Variants in MPP4 observed in about 807,000 individuals in gnomAD.
MPP4 encodes the protein MAGUK p55 subfamily member 4.
A neutral mutation model predicts 98.3 loss-of-function variants in MPP4; 91 were observed. The ratio of observed to expected loss-of-function variants is 0.93; its 90% CI spans 0.78 to 1.10. The LOEUF (loss-of-function observed/expected upper bound fraction) is 1.10, where lower values mean the gene tolerates loss of function less well. Ranked by LOEUF, MPP4 falls within the 50% of genes least tolerant of loss-of-function variation. The pLI is 0.00. For synonymous variants in MPP4, 261 were observed against 271.8 expected, an observed-to-expected ratio of 0.96 and a Z score of 0.39; for missense variants, 744 against 792.9, an observed-to-expected ratio of 0.94 and a Z score of 0.74.
At chr2:201,662,021 GA>G in intron 14 of MPP4, 1 of 364,442 alleles carries the variant, frequency 2.7e-6, no homozygotes, top group Non-Finnish European at 5.3e-6. Flanking sequence ...AGGAAATTTT[GA>G]AACAACATAA....
intron 10 of MPP4, among the ~76,000 whole-genome samples, chr2:201,678,778 C>T (rs1688588115): frequency 6.6e-6 from 1 of 152,080 alleles, no homozygotes; most frequent in African/African-American, 2.4e-5. Context: ...TCTTCCTCTT[C>T]CCTAGGAGCC....
At chr2:201,669,667 T>C in intron 12 of MPP4, 66 bp downstream of exon 12, 1 of 1,218,020 alleles carries the variant, frequency 8.2e-7, no homozygotes. Context: ...AGTGAATTCT[T>C]TAAACTACAA....
At chr2:201,652,547 C>A (rs145695501) in intron 18 of MPP4, among the ~76,000 whole-genome samples, 261 of 152,324 alleles carry the variant, frequency 1.7e-3, no homozygotes, top group African/African-American at 5.8e-3. Flanking sequence ...ATCACTCATG[C>A]CACAATTTCA....
At chr2:201,697,991 C>T in intron 1 of MPP4, 1 of 985,350 alleles carries the variant, frequency 1.0e-6, no homozygotes, top group Middle Eastern at 5.2e-4. Flanking sequence ...TTTCTGCTAT[C>T]TTGAGAGTGA....
At chr2:201,647,563 C>T in intron 21 of MPP4, 128 bp downstream of exon 21, 1 of 970,130 alleles carries the variant, frequency 1.0e-6, no homozygotes, top group Non-Finnish European at 1.5e-6. Context: ...TATTGAGGGC[C>T]TTTTGGAGAG....
Position 201,666,987 on chromosome 2 carries a change from TGAC to T in MPP4, c.1013-618_1013-616del, listed in dbSNP as rs1373673986. Among the ~76,000 whole-genome samples, 5 of 152,258 alleles carry T rather than the reference TGAC, an allele frequency of 3.3e-5. No homozygotes were observed. The East Asian group carries it at 9.7e-4, about 29-fold the overall frequency. Reference sequence around the variant, plus strand: ...GCTTTTGAATGCTGCACAAATTAGTTGACCTCTAAGCCTCTGTTCTCCATGTGA... The same window carrying T: ...GCTTTTGAATGCTGCACAAATTAGTTCTCTAAGCCTCTGTTCTCCATGTGA... On this transcript the variant is annotated intron_variant, in intron 12 of 21. Coordinates refer to ENST00000409474, the MANE Select transcript of MPP4 (RefSeq NM_033066.3).
At chr2:201,693,068 G>T in intron 2 of MPP4, 39 bp from the exon 3 acceptor site, 1 of 1,587,488 alleles carries the variant, frequency 6.3e-7, no homozygotes, top group Non-Finnish European at 8.6e-7. Flanking sequence ...TGGCAGGTGC[G>T]GGTGTAAATG....
chr2:201,660,439 C>A (rs1327728739), intron 14 of MPP4, 93 bp from the exon 15 acceptor site: 11 of 1,365,974 alleles, frequency 8.1e-6, no homozygotes, highest in Non-Finnish European at 1.2e-5. Flanking sequence ...ATGACATAAG[C>A]AAGACGTGCA....
At chr2:201,667,271 G>T (rs1481017515) in intron 12 of MPP4, among the ~76,000 whole-genome samples, 1 of 152,166 alleles carries the variant, frequency 6.6e-6, no homozygotes, top group Non-Finnish European at 1.5e-5. Flanking sequence ...CCATTAGAGT[G>T]GACATCACAG....
intron 20 of MPP4, among the ~76,000 whole-genome samples, chr2:201,648,942 T>TCA (rs1455851599): frequency 6.6e-6 from 1 of 152,118 alleles, no homozygotes; most frequent in African/African-American, 2.4e-5. Context: ...CTTGTGCTTG[T>TCA]AGTCCTAGCT....
At chr2:201,661,866 T>A (rs1208077) in intron 14 of MPP4, among the ~76,000 whole-genome samples, 129,573 of 152,086 alleles carry the variant, frequency 0.85, 55,331 homozygotes, top group Admixed American at 0.91. Context: ...GGCCTCAACC[T>A]CAGCCTTCAC....
rs529467083 is a variant in MPP4 at position 201,659,290 on chromosome 2, T to C, written c.1088-772A>G. Among the ~76,000 whole-genome samples, 96 of 152,204 alleles carry C rather than the reference T, an allele frequency of 6.3e-4. 1 individual carries two copies. Among genetic ancestry groups the C allele is most frequent in the African/African-American group, 2.2e-3 (93 of 41,512 alleles). On this transcript the variant is annotated intron_variant, in intron 15 of 21. Coordinates refer to ENST00000409474, the MANE Select transcript of MPP4 (RefSeq NM_033066.3). ...TTTTATTTTCTCCCTCTTAAAAGGG[T>C]TCATTCTATATAAGATAAGATTTGC...
In MPP4 at chr2:201,647,843, A is replaced by G; in HGVS notation, c.1585-18T>C. On this transcript the variant is annotated intron_variant, in intron 20 of 21. Coordinates refer to ENST00000409474, the MANE Select transcript of MPP4 (RefSeq NM_033066.3). ...TGAATATCCTACACAGAAAATTTAA[A>G]TGCACATTTATTTTTTGTTTGTTTT... is the stretch of plus-strand genomic sequence containing the variant. The G allele has an allele frequency of 1.3e-6, 2 of 1,589,264 alleles. No homozygotes were observed. The highest frequency in any genetic ancestry group is 1.1e-5 in the South Asian group (1 of 88,606).
chr2:201,670,836 T>G (rs1257549758), intron 11 of MPP4, among the ~76,000 whole-genome samples: 1 of 152,196 alleles, frequency 6.6e-6, no homozygotes, highest in Non-Finnish European at 1.5e-5. Flanking sequence ...GCAGGTGATT[T>G]CTGCATTTCC....
In MPP4 at chr2:201,647,760, C is replaced by T; in HGVS notation, c.1650G>A (p.Met550Ile). 1.2e-6 allele frequency: 2 copies of T among 1,613,954 alleles called. No individual in the cohort carries two copies. The highest frequency in any genetic ancestry group is 1.7e-6 in the Non-Finnish European group (2 of 1,179,840). The stretch of plus-strand genomic sequence containing the variant: ...TTTTCCGAGATTGTTTCATACACCT[C>T]ATATTCGATGGCTTTATAAATATGA... ...PYVIFIKPSN[M>I]RCMKQSRKNA... Residue 550 changes from methionine to isoleucine, a missense_variant, in exon 21 of 22, where the codon ATG (methionine) becomes ATA (isoleucine). By Grantham distance (10) the Met-to-Ile change is conservative. Coordinates refer to ENST00000409474, the MANE Select transcript of MPP4 (RefSeq NM_033066.3).
At chr2:201,677,752 C>T (rs148836420) in intron 10 of MPP4, among the ~76,000 whole-genome samples, 46 of 152,112 alleles carry the variant, frequency 3.0e-4, no homozygotes, top group East Asian at 1.4e-3. Flanking sequence ...CCGGGGAATC[C>T]GTATTTTACA....
In MPP4 at chr2:201,671,264, G is replaced by A. The variant is rs540625413; in HGVS notation, c.995-1514C>T. On this transcript the variant is annotated intron_variant, in intron 11 of 21. Transcript: ENST00000409474. ...GGGGCTGAAGCCAGGGAGCCAAGTG[G>A]TTTTGCTCAGCAGATCCCACCCCCA... is the stretch of plus-strand genomic sequence containing the variant. 6.6e-5 allele frequency among the ~76,000 whole-genome samples: 10 copies of A among 152,302 alleles called. No individual in the cohort carries two copies. In the East Asian group the frequency reaches 7.7e-4, roughly 12 times the overall value.
At chr2:201,692,040 G>T (rs1221589940) in intron 3 of MPP4, among the ~76,000 whole-genome samples, 1 of 152,174 alleles carries the variant, frequency 6.6e-6, no homozygotes, top group Non-Finnish European at 1.5e-5. Flanking sequence ...AAAAAGAGCT[G>T]TGGGGAGAAA....
intron 16 of MPP4, among the ~76,000 whole-genome samples, chr2:201,656,690 A>G (rs766968099): frequency 1.4e-4 from 21 of 152,124 alleles, no homozygotes; most frequent in Non-Finnish European, 2.6e-4. Flanking sequence ...AAAAATAAGT[A>G]CTCATAAGAA....
Sources: allele counts gnomAD v4.1 joint callset (sites outside exome capture counted in the v4.1 genomes callset), GRCh38; gene constraint gnomAD v4.1.1; transcripts MANE v1.5; gene names NCBI Gene and HGNC (gene_info 2026-07-23, HGNC 2026-07-21).